The following RBMS1 variants were observed in gnomAD, a reference collection of about 807,000 sequenced individuals.
RBMS1 encodes RNA-binding motif, single-stranded-interacting protein 1.
Under a neutral mutation model 62.3 loss-of-function variants are expected in RBMS1, and 17 were observed. That is an observed-to-expected ratio of 0.27 (90% CI 0.19 to 0.41). The LOEUF is 0.41. Among genes scored for constraint, RBMS1 ranks in the 10% least tolerant of loss-of-function variants. The probability of loss-of-function intolerance (pLI) is 1.00; values close to 1 mark genes in which losing one functional copy is unlikely to be tolerated. For missense variants in RBMS1, 334 were observed against 504.5 expected, an observed-to-expected ratio of 0.66 and a Z score of 3.24; for synonymous variants, 172 against 170.0, an observed-to-expected ratio of 1.01 and a Z score of -0.09.
At chr2:160,327,116 AC>A (rs1690976977) in intron 2 of RBMS1, among the ~76,000 whole-genome samples, 1 of 152,372 alleles carries the variant, frequency 6.6e-6, no homozygotes, top group Admixed American at 6.5e-5. Flanking sequence ...AAGCATTGGG[AC>A]AGTTATCACA....
chr2:160,491,323 T>C (rs1344451278), intron 1 of RBMS1, among the ~76,000 whole-genome samples: 3 of 152,192 alleles, frequency 2.0e-5, no homozygotes. Context: ...AATAATAGGA[T>C]TTCAGATTTA....
chr2:160,368,883 G>A (rs1019078896), intron 1 of RBMS1, among the ~76,000 whole-genome samples: 4 of 152,048 alleles, frequency 2.6e-5, no homozygotes, highest in African/African-American at 4.8e-5. Context: ...CAGGTGATCC[G>A]CTCAACTCGG....
chr2:160,286,928 A>ACCCCCCCC, intron 7 of RBMS1, 41 bp downstream of exon 7: 30 of 1,607,618 alleles, frequency 1.9e-5, no homozygotes, highest in Admixed American at 3.3e-5. Flanking sequence ...TCAAGATCAC[A>ACCCCCCCC]CCCCCTCCCC....
intron 1 of RBMS1, among the ~76,000 whole-genome samples, chr2:160,371,749 T>C (rs1315493537): frequency 6.6e-6 from 1 of 152,170 alleles, no homozygotes; most frequent in East Asian, 1.9e-4. Flanking sequence ...GAGCACGTCC[T>C]GTGTGGGCAG....
At position 160,388,410 on chromosome 2, in the gene RBMS1, T is replaced by G. The variant is rs182837481; in HGVS notation, c.76-21019A>C. ...TAATGAGCACCCCAAGAGTTTCTGA[T>G]GCAGGTGGTACGGTGAGGGGTAAAA... On this transcript the variant is annotated intron_variant, in intron 1 of 13. Coordinates refer to ENST00000348849, the MANE Select transcript of RBMS1 (RefSeq NM_016836.4). Among the ~76,000 whole-genome samples, 3 of 152,308 alleles carry G rather than the reference T, an allele frequency of 2.0e-5. No individual in the cohort carries two copies. The East Asian group carries it at 5.8e-4, about 29-fold the overall frequency.
intron 1 of RBMS1, among the ~76,000 whole-genome samples, chr2:160,430,785 T>C (rs1682858176): frequency 6.6e-6 from 1 of 152,146 alleles, no homozygotes; most frequent in Non-Finnish European, 1.5e-5. Flanking sequence ...CACTGACAGC[T>C]TCAAGTGGTA....
chr2:160,480,647 T>C (rs939138409), intron 1 of RBMS1, among the ~76,000 whole-genome samples: 5 of 152,204 alleles, frequency 3.3e-5, no homozygotes, highest in Non-Finnish European at 7.3e-5. Context: ...GATGTATAGA[T>C]TTAGTATGAT....
chr2:160,332,554 C>G (rs1465365047), intron 2 of RBMS1, among the ~76,000 whole-genome samples: 2 of 152,198 alleles, frequency 1.3e-5, no homozygotes, highest in Non-Finnish European at 2.9e-5. Flanking sequence ...CTGTGACTAT[C>G]CTGCTGAATT....
intron 2 of RBMS1, among the ~76,000 whole-genome samples, chr2:160,356,508 G>A (rs1692810990): frequency 6.6e-6 from 1 of 152,098 alleles, no homozygotes; most frequent in Non-Finnish European, 1.5e-5. Context: ...CACTTGGAGA[G>A]GCAGAAAGCA....
At chr2:160,337,057 A>C (rs1414546772) in intron 2 of RBMS1, among the ~76,000 whole-genome samples, 1 of 152,026 alleles carries the variant, frequency 6.6e-6, no homozygotes, top group Non-Finnish European at 1.5e-5. Context: ...TTTGGGGTTA[A>C]TCTCTGAGAA....
intron 1 of RBMS1, among the ~76,000 whole-genome samples, chr2:160,392,054 A>G (rs1223775636): frequency 2.6e-5 from 4 of 152,250 alleles, no homozygotes; most frequent in Non-Finnish European, 5.9e-5. Flanking sequence ...AAAACCAAGC[A>G]AAAGAACTAT....
rs552699603 is a variant in RBMS1 at position 160,429,509 on chromosome 2, C to G, written c.76-62118G>C. On this transcript the variant is annotated intron_variant, in intron 1 of 13. Coordinates refer to ENST00000348849, the MANE Select transcript of RBMS1 (RefSeq NM_016836.4). ...CATTTAACCTCTGAAACAATAAAAACTATGATTGTAGTACACTTTTTAAAA... is the reference window on the plus strand; with the variant it reads ...CATTTAACCTCTGAAACAATAAAAAGTATGATTGTAGTACACTTTTTAAAA... 3.3e-4 allele frequency among the ~76,000 whole-genome samples: 50 copies of G among 152,296 alleles called. No individual in the cohort carries two copies. The Middle Eastern group carries it at 0.02, about 62-fold the overall frequency.
At chr2:160,345,264 A>T (rs1692112543) in intron 2 of RBMS1, among the ~76,000 whole-genome samples, 1 of 152,154 alleles carries the variant, frequency 6.6e-6, no homozygotes, top group Non-Finnish European at 1.5e-5. Flanking sequence ...TTTTCATACC[A>T]GAAATGATCA....
At chr2:160,408,029 C>G (rs1330189527) in intron 1 of RBMS1, 2 of 651,882 alleles carry the variant, frequency 3.1e-6, no homozygotes, top group Non-Finnish European at 3.8e-6. Flanking sequence ...GCCCGGCCCC[C>G]GCGCTCTCCC....
At chr2:160,343,820 T>C (rs1692026829) in intron 2 of RBMS1, among the ~76,000 whole-genome samples, 1 of 152,180 alleles carries the variant, frequency 6.6e-6, no homozygotes, top group Non-Finnish European at 1.5e-5. Context: ...TTTTGATGCG[T>C]TATTAATTTA....
At chr2:160,465,213 A>G (rs1261342671) in intron 1 of RBMS1, among the ~76,000 whole-genome samples, 1 of 152,236 alleles carries the variant, frequency 6.6e-6, no homozygotes, top group Non-Finnish European at 1.5e-5. Context: ...TGTATTTGGC[A>G]TAGTCATTAT....
At chr2:160,352,583 G>GT (rs1339888367) in intron 2 of RBMS1, among the ~76,000 whole-genome samples, 5 of 152,084 alleles carry the variant, frequency 3.3e-5, no homozygotes, top group African/African-American at 1.2e-4. Context: ...CTAGACAAAT[G>GT]TATCTCCTGC....
intron 1 of RBMS1, among the ~76,000 whole-genome samples, chr2:160,413,678 T>C (rs896714734): frequency 5.9e-5 from 9 of 152,236 alleles, no homozygotes; most frequent in Non-Finnish European, 1.3e-4. Flanking sequence ...CAAAACAGAA[T>C]AAATGAGTTT....
At chr2:160,458,069 T>A (rs2105328672) in intron 1 of RBMS1, among the ~76,000 whole-genome samples, 1 of 152,108 alleles carries the variant, frequency 6.6e-6, no homozygotes, top group South Asian at 2.1e-4. Flanking sequence ...GCAAAAGTGA[T>A]CCTCCCACCC....
Sources: allele counts gnomAD v4.1 joint callset (sites outside exome capture counted in the v4.1 genomes callset), GRCh38; gene constraint gnomAD v4.1.1; transcripts MANE v1.5; gene names NCBI Gene and HGNC (gene_info 2026-07-23, HGNC 2026-07-21).